The following USP15 variants were observed in gnomAD, a reference collection of about 807,000 sequenced individuals.
USP15 encodes ubiquitin carboxyl-terminal hydrolase 15.
A neutral mutation model predicts 127.1 loss-of-function variants in USP15; 18 were observed. The observed-to-expected ratio is 0.14, with a 90% confidence interval of 0.10 to 0.21. The LOEUF is 0.21. Ranked by LOEUF, USP15 falls within the 10% of genes least tolerant of loss-of-function variation. USP15 has a pLI of 1.00. For missense variants in USP15, 805 were observed against 1,159.9 expected, an observed-to-expected ratio of 0.69 and a Z score of 4.44; for synonymous variants, 364 against 393.7, an observed-to-expected ratio of 0.92 and a Z score of 0.89.
intron 8 of USP15, among the ~76,000 whole-genome samples, chr12:62,364,468 G>A (rs531687347): frequency 6.6e-6 from 1 of 152,104 alleles, no homozygotes; most frequent in Non-Finnish European, 1.5e-5. Context: ...AGAGAAAGGG[G>A]CAAAGGAGTT....
intron 3 of USP15, among the ~76,000 whole-genome samples, chr12:62,309,593 G>T (rs2064595514): frequency 6.6e-6 from 1 of 151,858 alleles, no homozygotes; most frequent in Non-Finnish European, 1.5e-5. Context: ...AAACCTGAAG[G>T]ACATTACAAG....
rs913270764 is a variant in USP15, at chr12:62,377,795, C to T, written c.916-3695C>T. 7.9e-5 allele frequency among the ~76,000 whole-genome samples: 12 copies of T among 151,548 alleles called. No homozygotes were observed. The South Asian group carries it at 2.3e-3, about 29-fold the overall frequency. ...GACATTGAATACTGATATAACATCA[C>T]GTGGGGCGTGGCAATATTTTTAATT... On this transcript the variant is annotated intron_variant, in intron 8 of 21. Coordinates refer to ENST00000280377, the MANE Select transcript of USP15 (RefSeq NM_001252078.2).
chr12:62,337,532 T>C (rs2137362240), intron 6 of USP15, among the ~76,000 whole-genome samples: 1 of 152,280 alleles, frequency 6.6e-6, no homozygotes, highest in South Asian at 2.1e-4. Context: ...GTTACATAGC[T>C]ATGCATGTGC....
chr12:62,398,558 A>T (rs1414793317), intron 20 of USP15, among the ~76,000 whole-genome samples: 1 of 152,144 alleles, frequency 6.6e-6, no homozygotes, highest in Non-Finnish European at 1.5e-5. Context: ...AATTAGCACA[A>T]TGTCATTTAA....
chr12:62,359,095 T>G (rs1456396996), intron 8 of USP15, among the ~76,000 whole-genome samples: 1 of 152,098 alleles, frequency 6.6e-6, no homozygotes, highest in Non-Finnish European at 1.5e-5. Context: ...TCCCCAATAT[T>G]TAAGTAGATA....
chr12:62,325,839 G>A, intron 5 of USP15, 33 bp from the exon 6 acceptor site: 3 of 1,570,090 alleles, frequency 1.9e-6, no homozygotes, highest in Non-Finnish European at 2.6e-6. Flanking sequence ...CAGAGTTATG[G>A]AAAAACACCC....
intron 6 of USP15, chr12:62,334,306 T>C (rs1007680769): frequency 1.3e-5 from 2 of 152,212 alleles, no homozygotes; most frequent in African/African-American, 2.4e-5. Context: ...GTTTTGGTGC[T>C]TAGATTCATA....
intron 6 of USP15, 97 bp from the exon 7 acceptor site, chr12:62,349,124 C>T (rs1035904525): frequency 4.4e-6 from 3 of 674,514 alleles, no homozygotes; most frequent in Non-Finnish European, 4.4e-6. Context: ...TTTCAGCATT[C>T]ATTTACTACA....
At chr12:62,391,722 T>C (rs879331961) in intron 16 of USP15, 94 bp from the exon 17 acceptor site, 4 of 1,116,478 alleles carry the variant, frequency 3.6e-6, no homozygotes, top group East Asian at 2.7e-5. Context: ...AAAAGATTGC[T>C]GTTTGTTTAT....
intron 1 of USP15, among the ~76,000 whole-genome samples, chr12:62,276,903 G>A (rs968010412): frequency 3.3e-5 from 5 of 152,082 alleles, no homozygotes; most frequent in Non-Finnish European, 7.4e-5. Context: ...GCATTTTGCT[G>A]TGTATATTTT....
At position 62,295,948 on chromosome 12, in the gene USP15, T is replaced by C. The variant is rs146851027; in HGVS notation, c.217+1642T>C. Among the ~76,000 whole-genome samples, 57 of 152,378 alleles carry C rather than the reference T, an allele frequency of 3.7e-4. No homozygotes were observed. In the East Asian group the frequency reaches 0.011, roughly 29 times the overall value. On this transcript the variant is annotated intron_variant, in intron 2 of 21. Transcript: ENST00000280377. ...TATGTTATGTGGCAAAAAGAGACTA[T>C]CCTGGTGAACGTAATCTAATCACAC...
intron 8 of USP15, among the ~76,000 whole-genome samples, chr12:62,359,846 C>A (rs2066258576): frequency 6.6e-6 from 1 of 152,040 alleles, no homozygotes; most frequent in African/African-American, 2.4e-5. Flanking sequence ...AGTTTGGTTA[C>A]CCCTAGCCCC....
intron 8 of USP15, among the ~76,000 whole-genome samples, chr12:62,377,063 A>G (rs1018478038): frequency 1.3e-5 from 2 of 152,080 alleles, no homozygotes; most frequent in African/African-American, 4.8e-5. Context: ...TTTAATTTTT[A>G]TGGGTACATA....
At chr12:62,264,195 G>C (rs887424903) in intron 1 of USP15, among the ~76,000 whole-genome samples, 12 of 152,122 alleles carry the variant, frequency 7.9e-5, no homozygotes, top group African/African-American at 2.9e-4. Flanking sequence ...TGTTACCCGG[G>C]TTGGTCTCGA....
At chr12:62,333,309 C>T (rs191171031) in intron 6 of USP15, among the ~76,000 whole-genome samples, 26 of 152,290 alleles carry the variant, frequency 1.7e-4, no homozygotes, top group Non-Finnish European at 3.5e-4. Context: ...TCTCATTACC[C>T]AGGCTGGAAT....
intron 6 of USP15, among the ~76,000 whole-genome samples, chr12:62,332,359 C>G (rs1005922624): frequency 1.3e-4 from 20 of 151,482 alleles, no homozygotes; most frequent in Admixed American, 1.3e-3. Context: ...CTAATGATAC[C>G]TTAGAAAAAG....
intron 8 of USP15, among the ~76,000 whole-genome samples, chr12:62,376,277 CT>C (rs1248127870): frequency 6.6e-6 from 1 of 151,698 alleles, no homozygotes; most frequent in Admixed American, 6.6e-5. Flanking sequence ...TTCTTTTTCT[CT>C]TTTTCATTAA....
chr12:62,276,222 C>T (rs112158623), intron 1 of USP15, among the ~76,000 whole-genome samples: 6,186 of 152,126 alleles, frequency 0.041, 167 homozygotes, highest in African/African-American at 0.057. Flanking sequence ...AACTTCTTTA[C>T]AGGAACACAG....
At chr12:62,278,532 A>G (rs993197404) in intron 1 of USP15, 3 of 152,180 alleles carry the variant, frequency 2.0e-5, no homozygotes, top group African/African-American at 7.2e-5. Flanking sequence ...CTACAACATC[A>G]CAATGGCTAC....
Sources: gnomAD v4.1 joint callset for allele counts (sites outside exome capture counted in the v4.1 genomes callset) on GRCh38, gnomAD v4.1.1 for gene constraint, MANE v1.5 for transcripts, NCBI Gene and HGNC (gene_info 2026-07-23, HGNC 2026-07-21) for gene names.